TTLL3: variants seen among roughly 807,000 people sequenced by gnomAD.
The protein encoded by TTLL3 is tubulin tyrosine ligase like 3, also known as tubulin monoglycylase TTLL3.
Under a neutral mutation model 75.2 loss-of-function variants are expected in TTLL3, and 63 were observed. That is an observed-to-expected ratio of 0.84 (90% CI 0.68 to 1.03). The LOEUF (loss-of-function observed/expected upper bound fraction) is 1.03, where lower values mean the gene tolerates loss of function less well. Among genes scored for constraint, TTLL3 ranks in the 50% least tolerant of loss-of-function variants. The probability of loss-of-function intolerance (pLI) is 0.00; values close to 1 mark genes in which losing one functional copy is unlikely to be tolerated. For synonymous variants in TTLL3, 393 were observed against 418.5 expected (o/e 0.94, Z 0.74); for missense variants, 997 against 1,069.9 (o/e 0.93, Z 0.95).
intron 9 of TTLL3, 125 bp from the exon 10 acceptor site, chr3:9,826,868 CTGAT>C: frequency 6.7e-7 from 1 of 1,486,408 alleles, no homozygotes; most frequent in Non-Finnish European, 9.0e-7. Context: ...GAACTGGGTT[CTGAT>C]TGAGGGAGAC....
intron 2 of TTLL3, among the ~76,000 whole-genome samples, chr3:9,811,886 C>T (rs1236280563): frequency 6.6e-6 from 1 of 152,230 alleles, no homozygotes; most frequent in African/African-American, 2.4e-5. Context: ...GGCTTCCTTT[C>T]AACCTTCCCT....
intron 7 of TTLL3, chr3:9,819,763 C>A (rs1420445507): frequency 2.0e-6 from 2 of 985,346 alleles, no homozygotes; most frequent in South Asian, 4.7e-5. Context: ...GAGGAAAATC[C>A]CTGCCTCTTC....
At chr3:9,820,897 T>C (rs1034859062) in intron 8 of TTLL3, 156 bp downstream of exon 8, 2 of 1,317,402 alleles carry the variant, frequency 1.5e-6, no homozygotes, top group Non-Finnish European at 1.0e-6. Context: ...GCCTCCGTGA[T>C]AGGGTCTGGG....
At chr3:9,817,555 C>T (rs1206934180) in intron 5 of TTLL3, 90 bp from the exon 6 acceptor site, 17 of 1,601,912 alleles carry the variant, frequency 1.1e-5, no homozygotes, top group South Asian at 4.4e-5. Context: ...AGGCTCTGAG[C>T]GCAGATCCAG....
In TTLL3 at chr3:9,835,498, G is replaced by C; in HGVS notation, c.*9G>C. The C allele has an allele frequency of 6.4e-7, 1 of 1,573,958 alleles. No homozygotes were observed. Among genetic ancestry groups the C allele is most frequent in the Non-Finnish European group, 8.6e-7 (1 of 1,162,332 alleles). On this transcript the variant is annotated 3_prime_UTR_variant, in exon 14 of 14. Transcript: ENST00000685419. ...CCACAGCAAGAGCCTGAGGCCATCA[G>C]CAGCTCCTCCGTGCAGCGAGGCCCA...
Position 9,813,301 on chromosome 3 carries a change from G to T in TTLL3, c.271G>T (p.Asp91Tyr). Reference sequence around the variant, plus strand: ...GCCATCACAGCTGTTCGACTTCGATGATTTACTGAAATTTGATGACCTAGA... The same window carrying T: ...GCCATCACAGCTGTTCGACTTCGATTATTTACTGAAATTTGATGACCTAGA... ...FQPSQLFDFDDLLKFDDLDGT... is the reference protein window; with the variant it reads ...FQPSQLFDFDYLLKFDDLDGT... The change falls in exon 4 of 14, where the codon GAT (aspartate) becomes TAT (tyrosine). Residue 91 changes from aspartate to tyrosine, a missense_variant. By Grantham distance (160) the Asp-to-Tyr change is radical. Transcript: ENST00000685419. 1.2e-6 allele frequency: 2 copies of T among 1,614,254 alleles called. No individual in the cohort carries two copies. The highest frequency in any genetic ancestry group is 1.7e-6 in the Non-Finnish European group (2 of 1,180,056).
intron 5 of TTLL3, 104 bp downstream of exon 5, chr3:9,816,306 C>A: frequency 8.3e-7 from 1 of 1,198,948 alleles, no homozygotes; most frequent in Non-Finnish European, 1.1e-6. Context: ...GTTCTCAGGA[C>A]AAGGGGAAGT....
intron 7 of TTLL3, 49 bp downstream of exon 7, chr3:9,818,969 A>G (rs1199810937): frequency 1.2e-6 from 2 of 1,611,812 alleles, no homozygotes; most frequent in Non-Finnish European, 1.7e-6. Context: ...TCCTCCACCC[A>G]TCCGCCCTTC....
intron 4 of TTLL3, among the ~76,000 whole-genome samples, chr3:9,814,988 AGCACTTT>A (rs1244700346): frequency 6.6e-6 from 1 of 152,090 alleles, no homozygotes; most frequent in African/African-American, 2.4e-5. Context: ...CTGTAATCGC[AGCACTTT>A]GGGAGGCCAA....
chr3:9,832,458 G>A (rs1462531433), intron 11 of TTLL3, among the ~76,000 whole-genome samples: 1 of 152,130 alleles, frequency 6.6e-6, no homozygotes, highest in Non-Finnish European at 1.5e-5. Context: ...TCCTTCAGTG[G>A]CACAGAAGAT....
intron 10 of TTLL3, 55 bp downstream of exon 10, chr3:9,827,295 A>G (rs1458295718): frequency 6.3e-7 from 1 of 1,597,182 alleles, no homozygotes; most frequent in African/African-American, 1.3e-5. Flanking sequence ...GGAGCTGGCA[A>G]GCAAACAGGC....
chr3:9,822,950 A>G (rs1009259798), intron 8 of TTLL3, among the ~76,000 whole-genome samples: 1 of 150,016 alleles, frequency 6.7e-6, no homozygotes, highest in East Asian at 2.0e-4. Flanking sequence ...TCAACTTTTT[A>G]AAAAAAACAA....
At chr3:9,812,809 CTG>C in intron 2 of TTLL3, 132 bp from the exon 3 acceptor site, 1 of 1,008,992 alleles carries the variant, frequency 9.9e-7, no homozygotes, top group Non-Finnish European at 1.3e-6. Context: ...TATTTATAGT[CTG>C]TTTATTTCTC....
In TTLL3 at chr3:9,827,046, C is replaced by T. The variant is rs116221350; in HGVS notation, c.1053C>T (p.Gly351=). The T allele has an allele frequency of 1.4e-3, 2,247 of 1,614,222 alleles. 5 individuals carry two copies. The highest frequency in any genetic ancestry group is 1.8e-3 in the Non-Finnish European group (2,077 of 1,180,040). ...HLEEMLKLVN[G]NPVVMKDGKW... is the part of the protein sequence containing the mutation. ...AGGAGATGCTGAAGCTGGTGAACGG[C>T]AACCCCGTGGTGATGAAGGACGGCA... Residue 351 remains glycine (G), a synonymous_variant, in exon 10 of 14, where the codon GGC becomes GGT. Coordinates refer to ENST00000685419, the MANE Select transcript of TTLL3 (RefSeq NM_001387446.1).
intron 8 of TTLL3, among the ~76,000 whole-genome samples, chr3:9,824,404 C>T (rs1254764283): frequency 2.0e-5 from 3 of 152,130 alleles, no homozygotes; most frequent in East Asian, 1.9e-4. Flanking sequence ...ACTCTCAAAG[C>T]TTCAGTTTAC....
Position 9,829,177 on chromosome 3 carries a change from C to T in TTLL3, c.1465C>T (p.Arg489Trp), listed in dbSNP as rs371214768. The T allele has an allele frequency of 5.4e-5, 87 of 1,614,076 alleles. No homozygotes were observed. Among genetic ancestry groups the T allele is most frequent in the Non-Finnish European group, 7.1e-5 (84 of 1,180,022 alleles). ...GACCTCCCAGGACACCGTGCAGTGTCGGAAGGCCAGCTTTGAGCTCTATGG... is the reference window on the plus strand; with the variant it reads ...GACCTCCCAGGACACCGTGCAGTGTTGGAAGGCCAGCTTTGAGCTCTATGG... ...LQTSQDTVQC[R>W]KASFELYGAD... Residue 489 changes from arginine (R) to tryptophan (W), a missense_variant, in exon 11 of 14, where the codon CGG (arginine) becomes TGG (tryptophan). By Grantham distance (101) the Arg-to-Trp change is moderately radical. Transcript: ENST00000685419.
intron 11 of TTLL3, among the ~76,000 whole-genome samples, chr3:9,829,791 C>A (rs1344260433): frequency 2.0e-5 from 3 of 152,144 alleles, no homozygotes; most frequent in African/African-American, 7.2e-5. Context: ...ACCTAACTCA[C>A]AAAGTTAGGT....
At chr3:9,813,607 C>T (rs901558262) in intron 4 of TTLL3, among the ~76,000 whole-genome samples, 1 of 152,016 alleles carries the variant, frequency 6.6e-6, no homozygotes, top group African/African-American at 2.4e-5. Context: ...TAGTAAGACT[C>T]AGTCTCTACA....
Position 9,810,719 on chromosome 3 carries a change from G to C in TTLL3, c.48+10G>C, listed in dbSNP as rs974506385. The C allele has an allele frequency of 6.3e-7, 1 of 1,580,822 alleles. No homozygotes were observed. Among genetic ancestry groups the C allele is most frequent in the Non-Finnish European group, 8.6e-7 (1 of 1,163,560 alleles). ...GGAGAGAGCTGTCAAGGTCAGAGGA[G>C]GGGCAGGGGCGCTTAGAAAGGGCCC... On this transcript the variant is annotated intron_variant, in intron 2 of 13. Coordinates refer to ENST00000685419, the MANE Select transcript of TTLL3 (RefSeq NM_001387446.1). This position sits in a 1 kb window ranked among gnomAD's most constrained non-coding sequence, Gnocchi z 4.4.
Sources: gnomAD v4.1 joint callset for allele counts (sites outside exome capture counted in the v4.1 genomes callset) on GRCh38, gnomAD v4.1.1 for gene constraint, Gnocchi (gnomAD v3.1) non-coding constraint, MANE v1.5 for transcripts, NCBI Gene and HGNC (gene_info 2026-07-23, HGNC 2026-07-21) for gene names.